The following FOCAD variants were observed in gnomAD, a reference collection of about 807,000 sequenced individuals.
The protein encoded by FOCAD is focadhesin, also known as KIAA1797.
A neutral mutation model predicts 225.6 loss-of-function variants in FOCAD; 198 were observed. The observed-to-expected ratio is 0.88, with a 90% confidence interval of 0.78 to 0.99. The LOEUF is 0.99. FOCAD is among the 50% of genes least tolerant of loss of function. The pLI, the probability that FOCAD is intolerant of heterozygous loss-of-function variation, is 0.00. For synonymous variants in FOCAD, 897 were observed against 755.0 expected, an observed-to-expected ratio of 1.19 and a Z score of -3.08; for missense variants, 2,713 against 2,123.6, an observed-to-expected ratio of 1.28 and a Z score of -5.46.
At chr9:20,678,418 A>C (rs150547034) in intron 2 of FOCAD, among the ~76,000 whole-genome samples, 1 of 152,338 alleles carries the variant, frequency 6.6e-6, no homozygotes, top group Non-Finnish European at 1.5e-5. Flanking sequence ...AGGAGGGACC[A>C]GCAAAACCAG....
chr9:20,711,406 T>C (rs1196752787), intron 1 of FOCAD, among the ~76,000 whole-genome samples: 2 of 152,160 alleles, frequency 1.3e-5, no homozygotes, highest in East Asian at 1.9e-4. Context: ...CAACAAACAA[T>C]TGAAAACCCG....
At position 20,798,701 on chromosome 9, in the gene FOCAD, T is replaced by G. The variant is rs190786219; in HGVS notation, c.1455+9093T>G. ...GTGGGGTCGGTGGTGATATCCCCTT[T>G]ATCATTTTTTATTGCATCTATTTGA... On this transcript the variant is annotated intron_variant, in intron 11 of 43. Transcript: ENST00000338382. 4.3e-3 allele frequency among the ~76,000 whole-genome samples: 662 copies of G among 152,306 alleles called. 6 individuals carry two copies. The highest frequency in any genetic ancestry group is 6.8e-3 in the Middle Eastern group (2 of 294).
intron 23 of FOCAD, among the ~76,000 whole-genome samples, chr9:20,913,195 AAAAC>A (rs1225385570): frequency 6.8e-6 from 1 of 147,098 alleles, no homozygotes; most frequent in African/African-American, 2.5e-5. Flanking sequence ...CACACGTTCT[AAAAC>A]AATGTGGAAA....
In FOCAD at chr9:20,981,406, C is replaced by T; in HGVS notation, c.4378-20C>T. The T allele has an allele frequency of 1.2e-6, 2 of 1,611,306 alleles. No individual in the cohort carries two copies. The highest frequency in any genetic ancestry group is 8.5e-7 in the Non-Finnish European group (1 of 1,178,208). On this transcript the variant is annotated intron_variant, in intron 37 of 43. Coordinates refer to ENST00000338382, the MANE Select transcript of FOCAD (RefSeq NM_001375567.1). ...CCAGACTTGCCTATTTACATTCAAC[C>T]CCTTCTGTTTTACTTCCAGCTGAAT...
intron 35 of FOCAD, among the ~76,000 whole-genome samples, chr9:20,957,897 T>A (rs1838351374): frequency 6.6e-6 from 1 of 151,748 alleles, no homozygotes; most frequent in Admixed American, 6.6e-5. Flanking sequence ...TGAGCAGGAG[T>A]CCAAGGATTT....
chr9:20,856,272 C>T (rs1828173898), intron 15 of FOCAD, among the ~76,000 whole-genome samples: 1 of 151,870 alleles, frequency 6.6e-6, no homozygotes, highest in African/African-American at 2.4e-5. Flanking sequence ...TATTGCCCGT[C>T]ATTTGGATAA....
intron 35 of FOCAD, among the ~76,000 whole-genome samples, chr9:20,958,898 C>T (rs1028714504): frequency 6.6e-6 from 1 of 152,104 alleles, no homozygotes; most frequent in African/African-American, 2.4e-5. Flanking sequence ...AATAGTATTC[C>T]ATTGTGGATA....
chr9:20,761,841 C>T (rs973721827), intron 6 of FOCAD, among the ~76,000 whole-genome samples: 5 of 152,094 alleles, frequency 3.3e-5, no homozygotes, highest in Non-Finnish European at 5.9e-5. Context: ...CATTTGAAAA[C>T]ATTTTAAATC....
At chr9:20,970,414 C>T (rs983027766) in intron 35 of FOCAD, among the ~76,000 whole-genome samples, 9 of 151,904 alleles carry the variant, frequency 5.9e-5, no homozygotes, top group Non-Finnish European at 8.8e-5. Flanking sequence ...TTTTAGTTGA[C>T]GTATCTTTAT....
intron 11 of FOCAD, among the ~76,000 whole-genome samples, chr9:20,819,514 AG>A (rs1402077020): frequency 2.0e-5 from 3 of 152,094 alleles, no homozygotes; most frequent in Non-Finnish European, 4.4e-5. Flanking sequence ...ATGCTTGGCA[AG>A]GCAGGGTGTA....
chr9:20,698,067 A>G (rs1284180920), intron 1 of FOCAD, among the ~76,000 whole-genome samples: 1 of 152,220 alleles, frequency 6.6e-6, no homozygotes, highest in Non-Finnish European at 1.5e-5. Context: ...CTCTTTAGAG[A>G]ATGATAAAAA....
rs138024019 is a variant in FOCAD, at chr9:20,718,733, A to G, written c.132+865A>G. Among the ~76,000 whole-genome samples, 1,013 of 152,304 alleles carry G rather than the reference A, an allele frequency of 6.7e-3. 10 individuals carry two copies. Among genetic ancestry groups the G allele is most frequent in the African/African-American group, 0.024 (981 of 41,562 alleles). Reference sequence around the variant, plus strand: ...TAATCACATTGTGTACTTTGAGAAGATCTAGTGATTTTACTTAAACTGCCA... The same window carrying G: ...TAATCACATTGTGTACTTTGAGAAGGTCTAGTGATTTTACTTAAACTGCCA... On this transcript the variant is annotated intron_variant, in intron 3 of 43. Transcript: ENST00000338382.
At chr9:20,958,503 T>C (rs1838403590) in intron 35 of FOCAD, among the ~76,000 whole-genome samples, 1 of 152,172 alleles carries the variant, frequency 6.6e-6, no homozygotes, top group Non-Finnish European at 1.5e-5. Flanking sequence ...AATTAGTGTG[T>C]CTCTCATCTC....
chr9:20,988,520 GGCAAAA>G, intron 41 of FOCAD, 91 bp downstream of exon 41: 1 of 282,374 alleles, frequency 3.5e-6, no homozygotes, highest in Non-Finnish European at 6.9e-6. Context: ...GCCATTAATT[GGCAAAA>G]ACTGCAATTA....
chr9:20,747,448 T>C (rs988893941), intron 5 of FOCAD, among the ~76,000 whole-genome samples: 6 of 152,288 alleles, frequency 3.9e-5, no homozygotes, highest in African/African-American at 1.4e-4. Flanking sequence ...TGAGATATAA[T>C]TTATGTACTA....
At chr9:20,854,766 C>T (rs1421079008) in intron 15 of FOCAD, among the ~76,000 whole-genome samples, 1 of 151,694 alleles carries the variant, frequency 6.6e-6, no homozygotes, top group Admixed American at 6.6e-5. Flanking sequence ...GTCATTCGTA[C>T]ATAAATATTC....
intron 15 of FOCAD, among the ~76,000 whole-genome samples, chr9:20,855,964 A>T (rs185153590): frequency 5.9e-5 from 9 of 151,752 alleles, no homozygotes; most frequent in Non-Finnish European, 8.9e-5. Context: ...GTGTGTCTAT[A>T]CCACATTTTC....
intron 2 of FOCAD, among the ~76,000 whole-genome samples, chr9:20,672,035 G>A (rs952098911): frequency 1.3e-5 from 2 of 149,952 alleles, no homozygotes; most frequent in Non-Finnish European, 3.0e-5. Context: ...ACCACTGACT[G>A]TAGCTTATAA....
At chr9:20,905,700 A>C (rs760106106) in intron 21 of FOCAD, among the ~76,000 whole-genome samples, 22 of 152,138 alleles carry the variant, frequency 1.4e-4, no homozygotes, top group Non-Finnish European at 2.4e-4. Context: ...AGCAGAGCCA[A>C]GACCTGATTA....
Sources: allele counts gnomAD v4.1 joint callset (sites outside exome capture counted in the v4.1 genomes callset), GRCh38; gene constraint gnomAD v4.1.1; transcripts MANE v1.5; gene names NCBI Gene and HGNC (gene_info 2026-07-23, HGNC 2026-07-21).